The following GPI variants were observed in gnomAD, a reference collection of about 807,000 sequenced individuals.
The protein encoded by GPI is D-hexose-6-phosphate anomerase.
Under a neutral mutation model 75.8 loss-of-function variants are expected in GPI, and 56 were observed. The observed-to-expected ratio is 0.74, with a 90% CI of 0.60 to 0.92. GPI has a LOEUF of 0.92. GPI is among the 40% of genes least tolerant of loss of function. GPI has a pLI of 0.00. For synonymous variants in GPI, 288 were observed against 285.4 expected, an observed-to-expected ratio of 1.01 and a Z score of -0.09; for missense variants, 638 against 741.0, an observed-to-expected ratio of 0.86 and a Z score of 1.61.
At chr19:34,379,689 G>C in intron 8 of GPI, 127 bp downstream of exon 8, 2 of 837,344 alleles carry the variant, frequency 2.4e-6, no homozygotes, top group Non-Finnish European at 4.2e-6. Flanking sequence ...TGGAAGGTTT[G>C]GTTGCCTGTG....
intron 4 of GPI, among the ~76,000 whole-genome samples, chr19:34,369,088 G>T (rs959671485): frequency 1.3e-5 from 2 of 148,642 alleles, no homozygotes; most frequent in South Asian, 2.1e-4. Context: ...TCACTCTCTC[G>T]CCCAGAGTGG....
Position 34,381,527 on chromosome 19 carries a change from C to T in GPI, c.804+8C>T. On this transcript the variant is annotated splice_region_variant and intron_variant, in intron 9 of 17. Transcript: ENST00000356487. ...ATGTTCGAGTTCTGGGATGTAAGTA[C>T]AAGCACTTCTGCACTGGGTGAATTA... The T allele has an allele frequency of 1.9e-6, 3 of 1,586,842 alleles. No homozygotes were observed. The highest frequency in any genetic ancestry group is 2.2e-5 in the East Asian group (1 of 44,748).
At position 34,368,649 on chromosome 19, in the gene GPI, G is replaced by T. The variant is rs778762430; in HGVS notation, c.349G>T (p.Asp117Tyr). ...SNTPILVDGK[D>Y]VMPEVNKVLD... is the part of the protein sequence containing the mutation. The stretch of plus-strand genomic sequence containing the variant: ...CACACCCATCCTGGTAGACGGCAAG[G>T]ATGTGATGCCAGAGGTCAACAAGGT... Residue 117 changes from aspartate to tyrosine, a missense_variant, in exon 4 of 18, where the codon GAT (aspartate) becomes TAT (tyrosine). By Grantham distance (160) the Asp-to-Tyr change is radical. Coordinates refer to ENST00000356487, the MANE Select transcript of GPI (RefSeq NM_000175.5). The T allele has an allele frequency of 2.5e-6, 4 of 1,614,218 alleles. No homozygotes were observed. Among genetic ancestry groups the T allele is most frequent in the Middle Eastern group, 3.3e-4 (2 of 6,062 alleles).
At chr19:34,370,186 C>T (rs780311712) in intron 4 of GPI, among the ~76,000 whole-genome samples, 1 of 152,184 alleles carries the variant, frequency 6.6e-6, no homozygotes, top group Non-Finnish European at 1.5e-5. Context: ...CTAAGTTTCC[C>T]CACATCAAGC....
intron 4 of GPI, 115 bp downstream of exon 4, chr19:34,368,817 C>T: frequency 8.2e-7 from 1 of 1,223,046 alleles, no homozygotes; most frequent in Non-Finnish European, 1.2e-6. Context: ...CAGGTTCTCA[C>T]TGCAGCTTAA....
intron 4 of GPI, among the ~76,000 whole-genome samples, chr19:34,371,936 CTT>C (rs962553802): frequency 2.1e-5 from 3 of 142,154 alleles, no homozygotes; most frequent in Non-Finnish European, 1.5e-5. Flanking sequence ...AGGAGACTTG[CTT>C]TTTTTTTTTT....
chr19:34,376,362 C>T (rs889431092), intron 4 of GPI, among the ~76,000 whole-genome samples: 4 of 152,162 alleles, frequency 2.6e-5, no homozygotes, highest in Middle Eastern at 3.4e-3. Flanking sequence ...TTGAGACCAG[C>T]GTGGCCAACA....
Position 34,396,390 on chromosome 19 carries a change from G to A in GPI, c.1152G>A (p.Gly384=). The A allele has an allele frequency of 6.2e-7, 1 of 1,614,224 alleles. No homozygotes were observed. The highest frequency in any genetic ancestry group is 8.5e-7 in the Non-Finnish European group (1 of 1,180,038). Residue 384 remains glycine (G), a synonymous_variant, in exon 13 of 18, where the codon GGG becomes GGA. Transcript: ENST00000356487. ...QTGPIVWGEP[G]TNGQHAFYQL... ...GCCCCATTGTGTGGGGGGAGCCAGG[G>A]ACCAATGGCCAGCATGCTTTTTACC...
intron 2 of GPI, 143 bp downstream of exon 2, chr19:34,366,578 C>T (rs1357679759): frequency 2.6e-6 from 2 of 769,646 alleles, no homozygotes; most frequent in South Asian, 1.4e-5. Context: ...GGTGAGGCAC[C>T]TGTCCCTGGC....
chr19:34,393,243 C>T lies in GPI; in HGVS notation c.805-5C>T, dbSNP rs745581619. 7 of 1,610,160 alleles carry T rather than the reference C, an allele frequency of 4.3e-6. No individual in the cohort carries two copies. In the East Asian group the frequency reaches 8.9e-5, roughly 21 times the overall value. On this transcript the variant is annotated splice_polypyrimidine_tract_variant and splice_region_variant and intron_variant, in intron 9 of 17. Transcript: ENST00000356487. This position sits in a 1 kb window ranked among gnomAD's most constrained non-coding sequence, Gnocchi z 4.4. ...TCCCTCAGCACCTTGTCCTGTCTCT[C>T]CTAGTGGGTGGGAGGACGCTACTCG...
chr19:34,389,541 G>A lies in GPI; in HGVS notation c.805-3707G>A, dbSNP rs541528843. 3.3e-5 allele frequency among the ~76,000 whole-genome samples: 5 copies of A among 152,254 alleles called. No individual in the cohort carries two copies. In the East Asian group the frequency reaches 5.8e-4, roughly 18 times the overall value. Reference sequence around the variant, plus strand: ...TGTAATAAGTGGGCACCTCTCCTTCGTGTCTAGAAGGTTACTAGTCTTGGA... The same window carrying A: ...TGTAATAAGTGGGCACCTCTCCTTCATGTCTAGAAGGTTACTAGTCTTGGA... On this transcript the variant is annotated intron_variant, in intron 9 of 17. Transcript: ENST00000356487.
upstream of GPI, chr19:34,364,745 C>T (rs1297081826): frequency 2.4e-6 from 1 of 418,088 alleles, no homozygotes; most frequent in South Asian, 6.7e-5. Flanking sequence ...TCCTCAATAG[C>T]CCTTACCACC....
chr19:34,371,364 A>T (rs1186942524), intron 4 of GPI, among the ~76,000 whole-genome samples: 1 of 152,212 alleles, frequency 6.6e-6, no homozygotes, highest in East Asian at 1.9e-4. Context: ...TTGTCAGGGG[A>T]CTTACAAAGT....
At chr19:34,388,994 G>A (rs2074780993) in intron 9 of GPI, among the ~76,000 whole-genome samples, 1 of 152,048 alleles carries the variant, frequency 6.6e-6, no homozygotes, top group South Asian at 2.1e-4. Context: ...TGGGGAGGCT[G>A]AGATGGGAGG....
At chr19:34,365,470 A>G in intron 1 of GPI, 82 bp downstream of exon 1, 1 of 1,505,954 alleles carries the variant, frequency 6.6e-7, no homozygotes, top group Non-Finnish European at 8.9e-7. Context: ...AGGCGGGGGC[A>G]GCGGTGCCCG....
chr19:34,394,158 C>A (rs2074912050), intron 12 of GPI, 92 bp downstream of exon 12: 20 of 938,802 alleles, frequency 2.1e-5, no homozygotes, highest in Non-Finnish European at 3.4e-5. Flanking sequence ...TCCAGGAGCT[C>A]TTTGCCCCAT....
At chr19:34,387,508 CAGTG>C (rs1026152677) in intron 9 of GPI, among the ~76,000 whole-genome samples, 1 of 151,324 alleles carries the variant, frequency 6.6e-6, no homozygotes, top group African/African-American at 2.4e-5. Flanking sequence ...CTGGTGTTGT[CAGTG>C]AGTCTGTGGA....
rs2074899692 is a variant in GPI at position 34,393,641 on chromosome 19, C to A, written c.866-87C>A. 15 of 1,294,712 alleles carry A rather than the reference C, an allele frequency of 1.2e-5. No individual in the cohort carries two copies. The East Asian group carries it at 3.5e-4, about 30-fold the overall frequency. The allele number at this position is 1,294,712 out of a possible 1,614,324, so 80.2% of individuals were successfully genotyped here. ...TCGTATCTTCTGGCTCTCCATGCAGCCTTCCTTCGTTGCAGAAGGAGCTGT... is the reference window on the plus strand; with the variant it reads ...TCGTATCTTCTGGCTCTCCATGCAGACTTCCTTCGTTGCAGAAGGAGCTGT... On this transcript the variant is annotated intron_variant, in intron 10 of 17. Transcript: ENST00000356487. The surrounding 1 kb of genome is among the most constrained non-coding windows in gnomAD (Gnocchi z 4.4).
chr19:34,388,133 C>T (rs1350442558), intron 9 of GPI, among the ~76,000 whole-genome samples: 1 of 152,126 alleles, frequency 6.6e-6, no homozygotes, highest in African/African-American at 2.4e-5. Flanking sequence ...TGGTGTTGGT[C>T]TGCATCCAAG....
Sources: allele counts gnomAD v4.1 joint callset (sites outside exome capture counted in the v4.1 genomes callset), GRCh38; gene constraint gnomAD v4.1.1; non-coding constraint Gnocchi (gnomAD v3.1); transcripts MANE v1.5; gene names NCBI Gene and HGNC (gene_info 2026-07-23, HGNC 2026-07-21).